Variants in NELL1 observed in about 807,000 individuals in gnomAD.
NELL1 encodes the protein neural EGFL like 1.
A neutral mutation model predicts 107.4 loss-of-function variants in NELL1; 76 were observed. The observed-to-expected ratio is 0.71, with a 90% CI of 0.59 to 0.86. NELL1 has a LOEUF of 0.86. Among genes scored for constraint, NELL1 ranks in the 40% least tolerant of loss-of-function variants. The pLI is 0.00. For missense variants in NELL1, 1,024 were observed against 1,005.5 expected (o/e 1.02, Z -0.25); for synonymous variants, 353 against 341.2 (o/e 1.03, Z -0.38).
intron 17 of NELL1, among the ~76,000 whole-genome samples, chr11:21,564,883 C>A (rs1856934628): frequency 6.6e-6 from 1 of 151,864 alleles, no homozygotes; most frequent in African/African-American, 2.4e-5. Context: ...AACCTATTCC[C>A]AGAAACTGAA....
chr11:21,305,012 A>G (rs1417240061), intron 14 of NELL1, among the ~76,000 whole-genome samples: 2 of 152,006 alleles, frequency 1.3e-5, no homozygotes, highest in Admixed American at 1.3e-4. Flanking sequence ...TGTAGGCAGG[A>G]TGCACAATTA....
intron 14 of NELL1, among the ~76,000 whole-genome samples, chr11:21,337,736 CT>C (rs1437485034): frequency 3.7e-4 from 6 of 16,404 alleles, no homozygotes; most frequent in East Asian, 6.4e-3. Context: ...TCTTTCTTTC[CT>C]TTCTTTCTTT....
chr11:21,115,540 T>A (rs557248996), intron 13 of NELL1, among the ~76,000 whole-genome samples: 1 of 151,798 alleles, frequency 6.6e-6, no homozygotes, highest in East Asian at 1.9e-4. Context: ...CTGAAAGGAT[T>A]TTTAAGAGAA....
chr11:21,418,805 T>C (rs1403836322), intron 15 of NELL1, among the ~76,000 whole-genome samples: 1 of 152,112 alleles, frequency 6.6e-6, no homozygotes. Flanking sequence ...ATCTGTGCCT[T>C]GAAGATAGCG....
chr11:21,439,068 A>AATAG (rs34045792), intron 15 of NELL1, among the ~76,000 whole-genome samples: 72,863 of 150,592 alleles, frequency 0.48, 19,063 homozygotes, highest in African/African-American at 0.7. Flanking sequence ...AACTGCAGGT[A>AATAG]ATAGAGGTGT....
chr11:21,222,475 C>T (rs1416297375), intron 13 of NELL1, among the ~76,000 whole-genome samples: 2 of 152,026 alleles, frequency 1.3e-5, no homozygotes, highest in Non-Finnish European at 2.9e-5. Flanking sequence ...GGATTACAGG[C>T]GTGAGCCACC....
intron 15 of NELL1, among the ~76,000 whole-genome samples, chr11:21,494,430 G>A (rs1360939435): frequency 6.6e-6 from 1 of 151,782 alleles, no homozygotes; most frequent in Non-Finnish European, 1.5e-5. Context: ...ATCCTTGGAG[G>A]CAAAATTTTT....
At chr11:21,422,649 G>T (rs181608139) in intron 15 of NELL1, among the ~76,000 whole-genome samples, 3 of 152,180 alleles carry the variant, frequency 2.0e-5, no homozygotes, top group Admixed American at 1.3e-4. Context: ...GATGTTAAAT[G>T]TAATACTTAT....
At chr11:21,170,108 A>G (rs1272319128) in intron 13 of NELL1, 2 of 804,990 alleles carry the variant, frequency 2.5e-6, no homozygotes, top group East Asian at 4.9e-5. Flanking sequence ...TGTGGAGGCA[A>G]AACCACCCTT....
chr11:20,719,030 A>G (rs2133905914), intron 2 of NELL1, among the ~76,000 whole-genome samples: 1 of 152,364 alleles, frequency 6.6e-6, no homozygotes, highest in Non-Finnish European at 1.5e-5. Flanking sequence ...TGGCCTCGAA[A>G]GCATCTTCTA....
At chr11:21,058,260 T>G (rs569610690) in intron 12 of NELL1, among the ~76,000 whole-genome samples, 3 of 152,262 alleles carry the variant, frequency 2.0e-5, no homozygotes, top group Admixed American at 2.0e-4. Context: ...TTAGAATACA[T>G]TTTGAATTAC....
intron 5 of NELL1, among the ~76,000 whole-genome samples, chr11:20,889,376 A>G (rs1590383564): frequency 6.6e-6 from 1 of 152,232 alleles, no homozygotes; most frequent in South Asian, 2.1e-4. Context: ...CAAATGTAGT[A>G]GTATATACCA....
chr11:21,548,466 A>T (rs1022201420), intron 16 of NELL1, among the ~76,000 whole-genome samples: 1 of 151,918 alleles, frequency 6.6e-6, no homozygotes, highest in Non-Finnish European at 1.5e-5. Context: ...GGCAGAAGGC[A>T]CATCTTACTT....
chr11:20,681,273 G>T (rs1307057721), intron 2 of NELL1, among the ~76,000 whole-genome samples: 1 of 152,040 alleles, frequency 6.6e-6, no homozygotes, highest in Admixed American at 6.6e-5. Flanking sequence ...ATAGCAAGAA[G>T]AAATCAGACT....
chr11:20,877,569 T>G (rs1849326843), intron 4 of NELL1, among the ~76,000 whole-genome samples: 1 of 152,232 alleles, frequency 6.6e-6, no homozygotes, highest in Non-Finnish European at 1.5e-5. Flanking sequence ...ACTAGTCTTT[T>G]AAGCAGACAA....
At chr11:21,100,198 A>G (rs1854770098) in intron 12 of NELL1, among the ~76,000 whole-genome samples, 1 of 151,898 alleles carries the variant, frequency 6.6e-6, no homozygotes, top group Admixed American at 6.6e-5. Flanking sequence ...TTGTATTTTT[A>G]GTAGAGACAG....
intron 16 of NELL1, among the ~76,000 whole-genome samples, chr11:21,542,629 T>C (rs1334487303): frequency 6.6e-6 from 1 of 151,848 alleles, no homozygotes; most frequent in Non-Finnish European, 1.5e-5. Flanking sequence ...GGATATCCAC[T>C]GATGTCATTA....
chr11:20,740,328 C>T (rs1177387017), intron 2 of NELL1, among the ~76,000 whole-genome samples: 2 of 152,194 alleles, frequency 1.3e-5, no homozygotes, highest in Admixed American at 6.5e-5. Flanking sequence ...TGGATGAAGA[C>T]AGACTGAGCA....
At chr11:21,502,467 G>A (rs922891713) in intron 15 of NELL1, among the ~76,000 whole-genome samples, 12 of 152,176 alleles carry the variant, frequency 7.9e-5, no homozygotes, top group Non-Finnish European at 7.4e-5. Flanking sequence ...GCATGACTCA[G>A]ACAACTCATT....
Sources: allele counts gnomAD v4.1 joint callset (sites outside exome capture counted in the v4.1 genomes callset), GRCh38; gene constraint gnomAD v4.1.1; transcripts MANE v1.5; gene names NCBI Gene and HGNC (gene_info 2026-07-23, HGNC 2026-07-21).